Variants in KCTD16 observed in about 807,000 individuals in gnomAD.
The protein encoded by KCTD16 is potassium channel tetramerization domain containing 16.
KCTD16 carries 13 observed loss-of-function variants against 33.2 expected under a neutral mutation model. That is an observed-to-expected ratio of 0.39 (90% CI 0.25 to 0.62). KCTD16 has a LOEUF of 0.62. KCTD16 is among the 20% of genes least tolerant of loss of function. The probability of loss-of-function intolerance (pLI) is 0.50; values close to 1 mark genes in which losing one functional copy is unlikely to be tolerated. For missense variants in KCTD16, 441 were observed against 525.1 expected (o/e 0.84, Z 1.57); for synonymous variants, 197 against 195.3 (o/e 1.01, Z -0.07).
intron 2 of KCTD16, among the ~76,000 whole-genome samples, chr5:144,204,420 A>AC (rs1753113980): frequency 6.6e-6 from 1 of 152,216 alleles, no homozygotes. Context: ...GTCAGGCTCA[A>AC]CTGGAAGCAC....
chr5:144,205,496 G>C (rs2126788341), intron 2 of KCTD16: 2 of 398,616 alleles, frequency 5.0e-6, no homozygotes, highest in Non-Finnish European at 4.4e-6. Flanking sequence ...CCTCTGGCTC[G>C]CACCGGCTCC....
intron 3 of KCTD16, among the ~76,000 whole-genome samples, chr5:144,292,913 C>T (rs1755932790): frequency 6.6e-6 from 1 of 152,128 alleles, no homozygotes; most frequent in South Asian, 2.1e-4. Context: ...CCAGGAAGGG[C>T]CAAAGTTCAG....
intron 3 of KCTD16, among the ~76,000 whole-genome samples, chr5:144,443,986 C>T (rs1046416280): frequency 2.0e-5 from 3 of 152,028 alleles, no homozygotes; most frequent in African/African-American, 7.2e-5. Context: ...TTCTTGCTAT[C>T]AGGTGTAATA....
At chr5:144,391,658 A>G (rs1752451564) in intron 3 of KCTD16, among the ~76,000 whole-genome samples, 1 of 152,210 alleles carries the variant, frequency 6.6e-6, no homozygotes, top group African/African-American at 2.4e-5. Flanking sequence ...TTCTCCTTAT[A>G]AAATGGTAAC....
intron 3 of KCTD16, among the ~76,000 whole-genome samples, chr5:144,389,028 C>G (rs1382392158): frequency 1.3e-5 from 2 of 152,196 alleles, no homozygotes; most frequent in African/African-American, 4.8e-5. Context: ...TTGAGAGCCA[C>G]AGAAATTTGG....
In KCTD16 at chr5:144,476,556, A is replaced by T. The variant is rs917227158; in HGVS notation, c.*2442A>T. On this transcript the variant is annotated 3_prime_UTR_variant, in exon 4 of 4. Coordinates refer to ENST00000512467, the MANE Select transcript of KCTD16 (RefSeq NM_020768.4). Reference sequence around the variant, plus strand: ...CCTGTTTAAAACCATCACAACAGCAATATTTTTATTCTGGGCCACCTCTCG... The same window carrying T: ...CCTGTTTAAAACCATCACAACAGCATTATTTTTATTCTGGGCCACCTCTCG... The T allele has an allele frequency of 2.0e-5, 3 of 152,168 alleles. No individual in the cohort carries two copies. Among genetic ancestry groups the T allele is most frequent in the African/African-American group, 7.2e-5 (3 of 41,440 alleles). The allele number at this position is 152,168 out of a possible 1,614,324, so 9.4% of individuals were successfully genotyped here.
At chr5:144,471,820 G>T (rs556039866) in intron 3 of KCTD16, among the ~76,000 whole-genome samples, 112 of 152,190 alleles carry the variant, frequency 7.4e-4, no homozygotes, top group African/African-American at 2.6e-3. Flanking sequence ...TAATTTAATG[G>T]CTCTATAAAT....
chr5:144,328,682 CTA>C (rs1014053571), intron 3 of KCTD16, among the ~76,000 whole-genome samples: 6 of 152,034 alleles, frequency 3.9e-5, no homozygotes, highest in Non-Finnish European at 7.4e-5. Context: ...TCAAGGCCCT[CTA>C]TCACAGGCCT....
rs193023022 is a variant in KCTD16 at position 144,259,082 on chromosome 5, C to T, written c.832+51536C>T. Among the ~76,000 whole-genome samples, 193 of 152,020 alleles carry T rather than the reference C, an allele frequency of 1.3e-3. 1 individual carries two copies. Among genetic ancestry groups the T allele is most frequent in the African/African-American group, 3.5e-3 (144 of 41,462 alleles). The stretch of plus-strand genomic sequence containing the variant: ...GACCATCCTGGCTAACACGGTGAAA[C>T]CCCGTCTCTACTAAAAATACAAAAA... On this transcript the variant is annotated intron_variant, in intron 3 of 3. Transcript: ENST00000512467.
chr5:144,198,634 G>A (rs1484668200), intron 2 of KCTD16, among the ~76,000 whole-genome samples: 2 of 152,212 alleles, frequency 1.3e-5, no homozygotes, highest in African/African-American at 4.8e-5. Context: ...CAAAGTGACT[G>A]TGCTGAATCA....
chr5:144,188,700 A>T (rs1487233881), intron 2 of KCTD16, among the ~76,000 whole-genome samples: 1 of 152,256 alleles, frequency 6.6e-6, no homozygotes, highest in East Asian at 1.9e-4. Context: ...AGAGAAATGT[A>T]TCAACAGATA....
At chr5:144,187,480 A>G (rs1752753694) in intron 2 of KCTD16, among the ~76,000 whole-genome samples, 1 of 152,064 alleles carries the variant, frequency 6.6e-6, no homozygotes, top group Admixed American at 6.6e-5. Flanking sequence ...GGGGCAAGAG[A>G]GAAAAAATGT....
Position 144,473,841 on chromosome 5 carries a change from C to T in KCTD16, c.1014C>T (p.Asn338=), listed in dbSNP as rs754275862. ...VICGPVTRQT[N]IQTLDRPIKK... ...GTGGTCCCGTGACACGCCAGACCAA[C>T]ATCCAGACTCTGGACCGTCCCATCA... The change falls in exon 4 of 4, where the codon AAC becomes AAT. Residue 338 remains asparagine, a synonymous_variant. Coordinates refer to ENST00000512467, the MANE Select transcript of KCTD16 (RefSeq NM_020768.4). 6.2e-7 allele frequency: 1 copy of T among 1,614,136 alleles called. No individual in the cohort carries two copies. The highest frequency in any genetic ancestry group is 8.5e-7 in the Non-Finnish European group (1 of 1,180,016).
chr5:144,249,752 A>C (rs555496778), intron 3 of KCTD16, among the ~76,000 whole-genome samples: 1 of 152,226 alleles, frequency 6.6e-6, no homozygotes. Context: ...TTTATATATG[A>C]AAATGAGGCT....
intron 2 of KCTD16, among the ~76,000 whole-genome samples, chr5:144,188,854 C>T (rs1359686951): frequency 6.6e-6 from 1 of 152,122 alleles, no homozygotes; most frequent in Non-Finnish European, 1.5e-5. Flanking sequence ...AGAATCAATA[C>T]TGAGTGAACA....
chr5:144,260,487 G>C (rs904910345), intron 3 of KCTD16, among the ~76,000 whole-genome samples: 3 of 152,186 alleles, frequency 2.0e-5, no homozygotes, highest in African/African-American at 7.2e-5. Context: ...CAAGTGTCTT[G>C]TCTAGATCCA....
chr5:144,413,465 T>A (rs1422807161), intron 3 of KCTD16, among the ~76,000 whole-genome samples: 1 of 152,232 alleles, frequency 6.6e-6, no homozygotes, highest in African/African-American at 2.4e-5. Context: ...TACACATAAT[T>A]CATTCATTTA....
intron 3 of KCTD16, among the ~76,000 whole-genome samples, chr5:144,238,092 A>G (rs1754302816): frequency 6.6e-6 from 1 of 152,158 alleles, no homozygotes; most frequent in Non-Finnish European, 1.5e-5. Context: ...ATGAAAAACC[A>G]CAAGTTCTGC....
At chr5:144,375,215 T>G (rs1046875476) in intron 3 of KCTD16, among the ~76,000 whole-genome samples, 1 of 152,178 alleles carries the variant, frequency 6.6e-6, no homozygotes, top group Admixed American at 6.5e-5. Context: ...TACCATAACC[T>G]TTTACTAGCA....
Sources: gnomAD v4.1 joint callset for allele counts (sites outside exome capture counted in the v4.1 genomes callset) on GRCh38, gnomAD v4.1.1 for gene constraint, MANE v1.5 for transcripts, NCBI Gene and HGNC (gene_info 2026-07-23, HGNC 2026-07-21) for gene names.